The following IQCM variants were observed in gnomAD, a reference collection of about 807,000 sequenced individuals.
IQCM encodes the protein IQ motif containing M.
A neutral mutation model predicts 57.6 loss-of-function variants in IQCM; 45 were observed. That is an observed-to-expected ratio of 0.78 (90% CI 0.62 to 1.00). The LOEUF is 1.00. Ranked by LOEUF, IQCM falls within the 50% of genes least tolerant of loss-of-function variation. The pLI is 0.00. For synonymous variants in IQCM, 148 were observed against 158.9 expected (o/e 0.93, Z 0.51); for missense variants, 468 against 511.6 (o/e 0.91, Z 0.82).
chr4:149,510,002 A>G (rs1744235262), intron 12 of IQCM, among the ~76,000 whole-genome samples: 1 of 152,224 alleles, frequency 6.6e-6, no homozygotes, highest in Non-Finnish European at 1.5e-5. Context: ...TCATAGAAGC[A>G]GAAAGCATGA....
chr4:149,607,282 A>T (rs1225096986), intron 8 of IQCM, among the ~76,000 whole-genome samples: 6 of 152,142 alleles, frequency 3.9e-5, no homozygotes, highest in Non-Finnish European at 8.8e-5. Flanking sequence ...CACAACTAGA[A>T]TGTTATACCC....
At chr4:149,376,844 G>A (rs1730732544) in intron 13 of IQCM, among the ~76,000 whole-genome samples, 1 of 152,022 alleles carries the variant, frequency 6.6e-6, no homozygotes, top group Non-Finnish European at 1.5e-5. Context: ...CTTTGAAAAG[G>A]CTTTAAATCT....
rs547121816 is a variant in IQCM, at chr4:149,481,429, T to C, written c.1229-47872A>G. ...CTTTAATCTATCTAGATTTTATTTT[T>C]GTATAGAGCAAGTAATAGGGGTCTA... On this transcript the variant is annotated intron_variant, in intron 12 of 13. Transcript: ENST00000636793. Among the ~76,000 whole-genome samples, 230 of 152,200 alleles carry C rather than the reference T, an allele frequency of 1.5e-3. 2 individuals are homozygous for C. The highest frequency in any genetic ancestry group is 0.01 in the Middle Eastern group (3 of 294).
chr4:149,723,657 A>G (rs1765640158), intron 5 of IQCM, among the ~76,000 whole-genome samples: 1 of 151,996 alleles, frequency 6.6e-6, no homozygotes, highest in South Asian at 2.1e-4. Context: ...ATGGTGAATT[A>G]TCTTTCTGAT....
rs1181027848 is a variant in IQCM at position 149,368,856 on chromosome 4, G to GTA, written c.1391-16792_1391-16791dup. Among the ~76,000 whole-genome samples the GTA allele has an allele frequency of 6.5e-5, 3 of 46,042 alleles. 1 individual carries two copies. The highest frequency in any genetic ancestry group is 1.3e-4 in the Non-Finnish European group (3 of 23,138). 30.2% of individuals were successfully genotyped at this position (46,042 alleles called of 152,430 possible). ...TGTATATATATACATATATATACAT[G>GTA]TATATATATACATATATACACGTGT... On this transcript the variant is annotated intron_variant, in intron 13 of 13. Transcript: ENST00000636793.
chr4:149,801,061 G>A (rs1457463689), intron 2 of IQCM, among the ~76,000 whole-genome samples: 5 of 151,580 alleles, frequency 3.3e-5, no homozygotes, highest in Non-Finnish European at 7.4e-5. Flanking sequence ...AATATTTGGG[G>A]GCAAAGTTTT....
chr4:149,658,429 T>G (rs1579882301), intron 7 of IQCM, among the ~76,000 whole-genome samples: 1 of 152,110 alleles, frequency 6.6e-6, no homozygotes, highest in African/African-American at 2.4e-5. Context: ...TTTTAAGTCA[T>G]GTTGTGTAAT....
chr4:149,484,719 T>G (rs1047822874), intron 12 of IQCM, among the ~76,000 whole-genome samples: 2 of 152,076 alleles, frequency 1.3e-5, no homozygotes, highest in African/African-American at 2.4e-5. Flanking sequence ...GTATTTCTAC[T>G]TAAGACAAGA....
intron 7 of IQCM, among the ~76,000 whole-genome samples, chr4:149,623,694 T>C (rs1756544223): frequency 6.6e-6 from 1 of 151,952 alleles, no homozygotes; most frequent in Non-Finnish European, 1.5e-5. Context: ...TAATGACACA[T>C]AGAAATAAAG....
chr4:149,564,727 C>T (rs530465933), intron 9 of IQCM, among the ~76,000 whole-genome samples: 112 of 152,226 alleles, frequency 7.4e-4, no homozygotes, highest in Non-Finnish European at 1.4e-3. Flanking sequence ...GTCTTGAAAT[C>T]CGACTGGCTC....
At chr4:149,538,893 GA>G (rs201401565) in intron 12 of IQCM, among the ~76,000 whole-genome samples, 22 of 151,596 alleles carry the variant, frequency 1.5e-4, no homozygotes, top group East Asian at 3.9e-4. Context: ...ACAGCCTGGG[GA>G]AAAAAAATGC....
intron 7 of IQCM, among the ~76,000 whole-genome samples, chr4:149,662,787 G>A (rs1402655971): frequency 1.3e-5 from 2 of 151,894 alleles, no homozygotes; most frequent in South Asian, 2.1e-4. Context: ...TTCAGTCTAT[G>A]TTTGTCTTTA....
chr4:149,674,657 A>G lies in IQCM; in HGVS notation c.565+7461T>C, dbSNP rs146118479. Among the ~76,000 whole-genome samples the G allele has an allele frequency of 1.7e-3, 256 of 152,206 alleles. 2 individuals carry two copies. The highest frequency in any genetic ancestry group is 6.8e-3 in the Middle Eastern group (2 of 294). On this transcript the variant is annotated intron_variant, in intron 7 of 13. Coordinates refer to ENST00000636793, the MANE Select transcript of IQCM (RefSeq NM_001363507.2). ...AAAACCTTTCCAGGCAGAGAGAACA[A>G]CACATACACAGTTCCTGAGTTTGAC...
intron 2 of IQCM, among the ~76,000 whole-genome samples, chr4:149,815,041 A>G (rs1474452189): frequency 6.6e-6 from 1 of 152,028 alleles, no homozygotes; most frequent in African/African-American, 2.4e-5. Flanking sequence ...TTCTCTTTGT[A>G]AGAGGCTTCT....
At chr4:149,428,943 A>C (rs1360105883) in intron 13 of IQCM, among the ~76,000 whole-genome samples, 1 of 151,902 alleles carries the variant, frequency 6.6e-6, no homozygotes, top group Non-Finnish European at 1.5e-5. Context: ...CATCTGAACT[A>C]ATGAGAAACT....
At chr4:149,588,054 A>C in intron 8 of IQCM, 57 bp from the exon 9 acceptor site, 2 of 715,870 alleles carry the variant, frequency 2.8e-6, no homozygotes, top group Non-Finnish European at 3.9e-6. Context: ...ATCACCTATA[A>C]AATTTTAATT....
In IQCM at chr4:149,482,252, A is replaced by T. The variant is rs115574888; in HGVS notation, c.1229-48695T>A. On this transcript the variant is annotated intron_variant, in intron 12 of 13. Coordinates refer to ENST00000636793, the MANE Select transcript of IQCM (RefSeq NM_001363507.2). Reference sequence around the variant, plus strand: ...AAGATAATTTGATTTCTTCCTTTCCAATTTGGATGTTCTTTATTTCTTCCT... The same window carrying T: ...AAGATAATTTGATTTCTTCCTTTCCTATTTGGATGTTCTTTATTTCTTCCT... Among the ~76,000 whole-genome samples the T allele has an allele frequency of 9.9e-3, 1,509 of 152,022 alleles. 30 individuals carry two copies. The highest frequency in any genetic ancestry group is 0.034 in the African/African-American group (1,404 of 41,522).
intron 13 of IQCM, among the ~76,000 whole-genome samples, chr4:149,376,785 A>T (rs555086968): frequency 6.6e-6 from 1 of 152,270 alleles, no homozygotes; most frequent in South Asian, 2.1e-4. Flanking sequence ...CTTTTATCTA[A>T]TTGAGTCTGA....
At chr4:149,394,700 A>C (rs1006678965) in intron 13 of IQCM, among the ~76,000 whole-genome samples, 1 of 152,002 alleles carries the variant, frequency 6.6e-6, no homozygotes, top group African/African-American at 2.4e-5. Flanking sequence ...CTAAAATCCA[A>C]TGCCACTACT....
Sources: allele counts gnomAD v4.1 joint callset (sites outside exome capture counted in the v4.1 genomes callset), GRCh38; gene constraint gnomAD v4.1.1; transcripts MANE v1.5; gene names NCBI Gene and HGNC (gene_info 2026-07-23, HGNC 2026-07-21).